The following PSMG2 variants were observed in gnomAD, a reference collection of about 807,000 sequenced individuals.
PSMG2 encodes proteasome assembly chaperone 2, also known as CD40 ligand-activated specific transcript 3.
A neutral mutation model predicts 31.5 loss-of-function variants in PSMG2; 21 were observed. The observed-to-expected ratio is 0.67, with a 90% CI of 0.47 to 0.96. The LOEUF is 0.96. Among genes scored for constraint, PSMG2 ranks in the 40% least tolerant of loss-of-function variants. PSMG2 has a pLI of 0.00. For missense variants in PSMG2, 318 were observed against 321.2 expected (o/e 0.99, Z 0.08); for synonymous variants, 120 against 110.4 (o/e 1.09, Z -0.54).
At chr18:12,722,877 C>T (rs915266951) in intron 5 of PSMG2, among the ~76,000 whole-genome samples, 15 of 152,192 alleles carry the variant, frequency 9.9e-5, no homozygotes, top group African/African-American at 3.6e-4. Context: ...CTTGAAAATG[C>T]AAGCACAGCC....
intron 3 of PSMG2, among the ~76,000 whole-genome samples, chr18:12,714,682 G>T (rs2145143761): frequency 6.6e-6 from 1 of 150,782 alleles, no homozygotes; most frequent in Non-Finnish European, 1.5e-5. Context: ...TTTTGTAGAG[G>T]TGGGGTTTCG....
chr18:12,711,367 C>G (rs556784495), intron 2 of PSMG2, among the ~76,000 whole-genome samples: 75 of 152,228 alleles, frequency 4.9e-4, no homozygotes, highest in African/African-American at 1.7e-4. Flanking sequence ...CTGTCCACCC[C>G]CTACAGATAC....
rs140994973 is a variant in PSMG2 at position 12,693,066 on chromosome 18, C to T, written c.-36-13484C>T. On this transcript the variant is annotated intron_variant, in intron 1 of 6. Coordinates refer to the PSMG2 transcript ENST00000585331. The stretch of plus-strand genomic sequence containing the variant: ...CTTGAACTCCTGGCCTGAAGTGATC[C>T]TCTTACCTTGGCCTCCCAAAGTGCT... Among the ~76,000 whole-genome samples, 823 of 152,248 alleles carry T rather than the reference C, an allele frequency of 5.4e-3. 5 individuals are homozygous for T. The highest frequency in any genetic ancestry group is 0.019 in the African/African-American group (785 of 41,540).
At chr18:12,682,532 GT>G (rs1228611698) in intron 1 of PSMG2, among the ~76,000 whole-genome samples, 2 of 151,880 alleles carry the variant, frequency 1.3e-5, no homozygotes, top group African/African-American at 2.4e-5. Context: ...TGGTGCTAAA[GT>G]TTTTTAAAAA....
Position 12,705,426 on chromosome 18 carries a change from TG to T in PSMG2, c.58-1122del, listed in dbSNP as rs531508211. ...GCAAAAGTTTATAGTTTTGGACATG[TG>T]GAATGTGAGTTTCCTGTGACCTAAC... On this transcript the variant is annotated intron_variant, in intron 1 of 6. Transcript: ENST00000317615. 7.6e-3 allele frequency among the ~76,000 whole-genome samples: 1,150 copies of T among 152,200 alleles called. 12 individuals carry two copies. Among genetic ancestry groups the T allele is most frequent in the African/African-American group, 0.026 (1,080 of 41,518 alleles).
At chr18:12,664,582 G>A (rs868627891) in intron 1 of PSMG2, among the ~76,000 whole-genome samples, 2 of 151,876 alleles carry the variant, frequency 1.3e-5, no homozygotes, top group African/African-American at 2.4e-5. Flanking sequence ...AAGGGGTCTC[G>A]GTCTGCTGCC....
At chr18:12,675,571 T>A (rs2039093933) in intron 1 of PSMG2, among the ~76,000 whole-genome samples, 1 of 152,172 alleles carries the variant, frequency 6.6e-6, no homozygotes, top group South Asian at 2.1e-4. Flanking sequence ...ACTTATATAC[T>A]GTAAGAGATA....
chr18:12,717,621 A>G (rs2040389577), intron 3 of PSMG2, among the ~76,000 whole-genome samples: 3 of 152,350 alleles, frequency 2.0e-5, no homozygotes, highest in Admixed American at 6.5e-5. Context: ...ATCATCCAAC[A>G]TACTCAAATT....
In PSMG2 at chr18:12,708,741, T is replaced by A. The variant is rs1163738586; in HGVS notation, c.229+2020T>A. On this transcript the variant is annotated intron_variant, in intron 2 of 6. Transcript: ENST00000317615. ...TTTTTTTGAGACAGAGTTTTGTTCT[T>A]GTTGCCCAGGCTGGAGTGCAATGGC... Among the ~76,000 whole-genome samples the A allele has an allele frequency of 4.6e-5, 7 of 150,744 alleles. No homozygotes were observed. The East Asian group carries it at 1.4e-3, about 29-fold the overall frequency.
chr18:12,689,793 C>G (rs1598644990), intron 1 of PSMG2, among the ~76,000 whole-genome samples: 4 of 151,658 alleles, frequency 2.6e-5, no homozygotes, highest in East Asian at 1.9e-4. Context: ...TATTTTTTGT[C>G]GTTGTTATTG....
upstream of PSMG2, chr18:12,701,089 C>A (rs1399814388): frequency 6.2e-7 from 1 of 1,612,858 alleles, no homozygotes; most frequent in East Asian, 2.2e-5. Context: ...GCAAGGATTT[C>A]TCTTATTCTA....
chr18:12,705,576 A>AGTGT (rs548642491), intron 1 of PSMG2, among the ~76,000 whole-genome samples: 244 of 129,760 alleles, frequency 1.9e-3, no homozygotes, highest in East Asian at 9.6e-3. Flanking sequence ...AGAGAGAGAG[A>AGTGT]GTGTGTGTGT....
chr18:12,721,530 AAAT>A (rs2040430763), intron 5 of PSMG2, among the ~76,000 whole-genome samples: 3 of 152,286 alleles, frequency 2.0e-5, no homozygotes, highest in East Asian at 1.9e-4. Flanking sequence ...CTGTACCCAT[AAAT>A]AATAACTCCC....
upstream of PSMG2, chr18:12,700,174 T>C (rs1309356826): frequency 4.2e-6 from 1 of 238,202 alleles, no homozygotes; most frequent in Non-Finnish European, 8.0e-6. Flanking sequence ...AAATCCTTAA[T>C]ACCTTCAACA....
upstream of PSMG2, chr18:12,699,743 G>A: frequency 1.4e-6 from 1 of 728,244 alleles, no homozygotes; most frequent in Non-Finnish European, 2.1e-6. Context: ...GGGAAAAAAT[G>A]GAAATGTCTT....
intron 1 of PSMG2, among the ~76,000 whole-genome samples, chr18:12,679,975 G>C (rs746844618): frequency 3.5e-4 from 52 of 150,718 alleles, no homozygotes; most frequent in Non-Finnish European, 5.6e-4. Flanking sequence ...AGGACCACCA[G>C]AACCCAGGAG....
intron 1 of PSMG2, among the ~76,000 whole-genome samples, chr18:12,705,514 T>C (rs920614646): frequency 2.6e-5 from 4 of 151,440 alleles, no homozygotes; most frequent in African/African-American, 9.7e-5. Context: ...GGTAGGGATT[T>C]GGCAGCTTCA....
In PSMG2 at chr18:12,659,891, T is replaced by C. The variant is rs1241989598; in HGVS notation, c.-37+1118T>C. Among the ~76,000 whole-genome samples the C allele has an allele frequency of 2.6e-5, 4 of 152,168 alleles. No homozygotes were observed. In the East Asian group the frequency reaches 7.7e-4, roughly 29 times the overall value. On this transcript the variant is annotated intron_variant, in intron 1 of 6. Transcript: ENST00000585331. ...CTATATACATATAAATATATCTCTG[T>C]CCTCTTGATTAAAAACAGACAAACA...
At chr18:12,701,292 C>T (rs983664547), upstream of PSMG2, among the ~76,000 whole-genome samples, 11 of 152,182 alleles carry the variant, frequency 7.2e-5, no homozygotes, top group Non-Finnish European at 1.6e-4. Flanking sequence ...ATAGTCTCCA[C>T]TGGTTATCTG....
Sources: gnomAD v4.1 joint callset for allele counts (sites outside exome capture counted in the v4.1 genomes callset) on GRCh38, gnomAD v4.1.1 for gene constraint, MANE v1.5 for transcripts, NCBI Gene and HGNC (gene_info 2026-07-23, HGNC 2026-07-21) for gene names.